The following USP3 variants were observed in gnomAD, a reference collection of about 807,000 sequenced individuals.
The protein encoded by USP3 is ubiquitin carboxyl-terminal hydrolase 3.
In USP3, 20 loss-of-function variants were observed where a neutral mutation model predicts 72.3. That is an observed-to-expected ratio of 0.28 (90% CI 0.19 to 0.40). The LOEUF (loss-of-function observed/expected upper bound fraction) is 0.40. Ranked by LOEUF, USP3 falls within the 10% of genes least tolerant of loss-of-function variation. The pLI is 1.00. For synonymous variants in USP3, 222 were observed against 225.3 expected (o/e 0.99, Z 0.13); for missense variants, 479 against 633.9 (o/e 0.76, Z 2.62).
chr15:63,567,871 T>C (rs2066716013), intron 8 of USP3, among the ~76,000 whole-genome samples: 1 of 152,228 alleles, frequency 6.6e-6, no homozygotes, highest in African/African-American at 2.4e-5. Flanking sequence ...GAAGAGACAG[T>C]TGCCGCGTGT....
At position 63,588,925 on chromosome 15, in the gene USP3, C is replaced by A; in HGVS notation, c.1330-19C>A. 6.2e-7 allele frequency: 1 copy of A among 1,614,126 alleles called. No homozygotes were observed. Among genetic ancestry groups the A allele is most frequent in the Non-Finnish European group, 8.5e-7 (1 of 1,180,018 alleles). ...ATACTGATGTCATTGACCACTGCTC[C>A]TTCTTCCTTGTTCTGTAGCCTGAGA... On this transcript the variant is annotated intron_variant, in intron 13 of 14. Coordinates refer to ENST00000380324, the MANE Select transcript of USP3 (RefSeq NM_006537.4). This position sits in a 1 kb window ranked among gnomAD's most constrained non-coding sequence, Gnocchi z 4.6.
intron 2 of USP3, among the ~76,000 whole-genome samples, chr15:63,532,986 A>C (rs1000872194): frequency 2.8e-4 from 42 of 152,306 alleles, no homozygotes; most frequent in African/African-American, 8.7e-4. Context: ...GAGCTAAGGG[A>C]ATTCTTGAAG....
intron 3 of USP3, among the ~76,000 whole-genome samples, chr15:63,547,770 GAGAGAGA>G (rs2066359958): frequency 5.3e-5 from 1 of 18,880 alleles, no homozygotes; most frequent in African/African-American, 3.5e-4. Context: ...GGGAGAGAGA[GAGAGAGA>G]GAGAGAGAGA....
chr15:63,540,704 G>C (rs2066232529), intron 3 of USP3, among the ~76,000 whole-genome samples: 1 of 152,126 alleles, frequency 6.6e-6, no homozygotes. Flanking sequence ...TAACCAGGCA[G>C]AACAATATAA....
intron 1 of USP3, among the ~76,000 whole-genome samples, chr15:63,524,918 C>T (rs546169068): frequency 6.6e-6 from 1 of 152,210 alleles, no homozygotes; most frequent in East Asian, 1.9e-4. Flanking sequence ...GGACATAGAC[C>T]CTGTCTCTCC....
chr15:63,516,156 GTTTACCTTAGACACA>G (rs2065848062), intron 1 of USP3, among the ~76,000 whole-genome samples: 1 of 151,940 alleles, frequency 6.6e-6, no homozygotes, highest in African/African-American at 2.4e-5. Context: ...AAATTGCTTA[GTTTACCTTAGACACA>G]TTTTCTCTTA....
At position 63,532,721 on chromosome 15, in the gene USP3, T is replaced by G; in HGVS notation, c.152+14T>G. 3 of 1,613,600 alleles carry G rather than the reference T, an allele frequency of 1.9e-6. No homozygotes were observed. The highest frequency in any genetic ancestry group is 2.2e-5 in the South Asian group (2 of 90,990). On this transcript the variant is annotated intron_variant, in intron 2 of 14. Transcript: ENST00000380324. ...CCACTGTGGAAGGTAGGTGACATAC[T>G]TATTACTTCACTGACCTATTTGCTT...
intron 1 of USP3, among the ~76,000 whole-genome samples, chr15:63,506,264 T>C (rs1037731952): frequency 1.1e-4 from 17 of 152,178 alleles, no homozygotes; most frequent in African/African-American, 3.6e-4. Context: ...ATAAGGTGTA[T>C]GGCACTGCTT....
intron 1 of USP3, among the ~76,000 whole-genome samples, chr15:63,512,226 G>A (rs1025896077): frequency 4.0e-5 from 6 of 151,666 alleles, no homozygotes; most frequent in African/African-American, 4.8e-5. Context: ...GTGAGCCTCC[G>A]TGCCTAGCCA....
Position 63,553,650 on chromosome 15 carries a change from T to C in USP3, c.285-65T>C, listed in dbSNP as rs534600893. On this transcript the variant is annotated intron_variant, in intron 3 of 14. Coordinates refer to ENST00000380324, the MANE Select transcript of USP3 (RefSeq NM_006537.4). The surrounding 1 kb of genome is among the most constrained non-coding windows in gnomAD (Gnocchi z 4.2). Reference sequence around the variant, plus strand: ...TCATCTTGGCAACAGCCAGACCTTTTAGTGATTTCATTACTGTGGTTTCCT... The same window carrying C: ...TCATCTTGGCAACAGCCAGACCTTTCAGTGATTTCATTACTGTGGTTTCCT... 1.0e-5 allele frequency: 15 copies of C among 1,485,194 alleles called. No homozygotes were observed. The East Asian group carries it at 3.6e-4, about 36-fold the overall frequency. 92.0% of individuals were successfully genotyped at this position (1,485,194 alleles called of 1,614,324 possible). A position where few individuals can be genotyped will look rare whatever the true frequency, so the allele number is the denominator to read the frequency against.
At chr15:63,522,394 A>G (rs532855533) in intron 1 of USP3, among the ~76,000 whole-genome samples, 52 of 152,342 alleles carry the variant, frequency 3.4e-4, no homozygotes, top group Non-Finnish European at 7.1e-4. Flanking sequence ...TGGCTGTGAG[A>G]AGCCTCTTCA....
At chr15:63,573,923 ATG>A in intron 9 of USP3, 121 bp from the exon 10 acceptor site, 2 of 502,570 alleles carry the variant, frequency 4.0e-6, no homozygotes, top group Non-Finnish European at 6.6e-6. Flanking sequence ...TTAGAAATAA[ATG>A]ACTTAAATAT....
intron 1 of USP3, among the ~76,000 whole-genome samples, chr15:63,509,459 T>C (rs1481065229): frequency 6.6e-6 from 1 of 152,172 alleles, no homozygotes; most frequent in Non-Finnish European, 1.5e-5. Context: ...CAAATGACCA[T>C]CTGCAGTGTT....
intron 3 of USP3, among the ~76,000 whole-genome samples, chr15:63,548,900 T>C (rs2066396292): frequency 6.6e-6 from 1 of 152,198 alleles, no homozygotes; most frequent in Non-Finnish European, 1.5e-5. Context: ...TAATTTATTA[T>C]CTCTTTATGC....
chr15:63,543,244 A>G (rs1238883282), intron 3 of USP3, among the ~76,000 whole-genome samples: 1 of 152,208 alleles, frequency 6.6e-6, no homozygotes, highest in Admixed American at 6.5e-5. Flanking sequence ...CAAAATGTTT[A>G]CTTGGGACAG....
chr15:63,507,871 T>G (rs934401215), intron 1 of USP3, among the ~76,000 whole-genome samples: 2 of 146,630 alleles, frequency 1.4e-5, no homozygotes, highest in Non-Finnish European at 3.0e-5. Context: ...AAATATGTAT[T>G]TATTAATATG....
intron 7 of USP3, 39 bp downstream of exon 7, chr15:63,560,009 C>T (rs2152672845): frequency 1.3e-6 from 2 of 1,559,382 alleles, no homozygotes; most frequent in Non-Finnish European, 8.7e-7. Flanking sequence ...CTTTGAGTTA[C>T]AAAACAAATT....
chr15:63,520,328 A>G (rs183509098), intron 1 of USP3, among the ~76,000 whole-genome samples: 4 of 152,220 alleles, frequency 2.6e-5, no homozygotes, highest in East Asian at 1.9e-4. Flanking sequence ...ACTCATTTGC[A>G]CAATTCTATA....
chr15:63,538,797 C>T (rs191038514), intron 3 of USP3, among the ~76,000 whole-genome samples: 4 of 152,156 alleles, frequency 2.6e-5, no homozygotes, highest in Admixed American at 1.3e-4. Flanking sequence ...CCGCCTGCCT[C>T]GGCCTCCCAA....
Sources: gnomAD v4.1 joint callset for allele counts (sites outside exome capture counted in the v4.1 genomes callset) on GRCh38, gnomAD v4.1.1 for gene constraint, Gnocchi (gnomAD v3.1) non-coding constraint, MANE v1.5 for transcripts, NCBI Gene and HGNC (gene_info 2026-07-23, HGNC 2026-07-21) for gene names.